The following CCDC178 variants were observed in gnomAD, a reference collection of about 807,000 sequenced individuals.
CCDC178 encodes coiled-coil domain containing 178.
Under a neutral mutation model 117.4 loss-of-function variants are expected in CCDC178, and 126 were observed. The ratio of observed to expected loss-of-function variants is 1.07; its 90% CI spans 0.93 to 1.24. CCDC178 has a LOEUF of 1.24. Among genes scored for constraint, CCDC178 ranks in the 50% most tolerant of loss-of-function variants. CCDC178 has a pLI of 0.00. For missense variants in CCDC178, 1,030 were observed against 986.9 expected (o/e 1.04, Z -0.59); for synonymous variants, 283 against 313.4 (o/e 0.90, Z 1.02).
At chr18:33,384,090 G>T (rs1449694426) in intron 5 of CCDC178, among the ~76,000 whole-genome samples, 1 of 151,954 alleles carries the variant, frequency 6.6e-6, no homozygotes, top group Non-Finnish European at 1.5e-5. Context: ...TAGCTGAATC[G>T]ATCAAGCAGA....
chr18:33,356,035 G>T (rs1312955059), intron 7 of CCDC178, among the ~76,000 whole-genome samples: 1 of 152,082 alleles, frequency 6.6e-6, no homozygotes, highest in Non-Finnish European at 1.5e-5. Flanking sequence ...TCCCCTAGTG[G>T]TTATTAAATT....
At chr18:32,983,743 C>G (rs998154442) in intron 21 of CCDC178, among the ~76,000 whole-genome samples, 3 of 152,060 alleles carry the variant, frequency 2.0e-5, no homozygotes, top group Non-Finnish European at 2.9e-5. Flanking sequence ...TGAAAGCACA[C>G]TGCGTTTCTC....
intron 2 of CCDC178, among the ~76,000 whole-genome samples, chr18:33,436,660 C>A (rs1173074599): frequency 6.6e-6 from 1 of 152,122 alleles, no homozygotes; most frequent in African/African-American, 2.4e-5. Context: ...TGTTTCAGAG[C>A]AAGATGTATC....
At chr18:33,153,688 A>T (rs1402539463) in intron 20 of CCDC178, among the ~76,000 whole-genome samples, 1 of 152,148 alleles carries the variant, frequency 6.6e-6, no homozygotes, top group East Asian at 1.9e-4. Flanking sequence ...GAAGTCACAT[A>T]AAAATACAAG....
intron 2 of CCDC178, among the ~76,000 whole-genome samples, chr18:33,427,992 T>C (rs2064144702): frequency 6.6e-6 from 1 of 152,246 alleles, no homozygotes. Context: ...ATTGAATAAG[T>C]ACTTTTTGTC....
chr18:33,326,074 AT>A, intron 10 of CCDC178, among the ~76,000 whole-genome samples: 1 of 152,324 alleles, frequency 6.6e-6, no homozygotes, highest in East Asian at 1.9e-4. Context: ...GAAAGGCAGA[AT>A]TCTGTTACAG....
chr18:33,003,385 G>A (rs1320720882), intron 21 of CCDC178, among the ~76,000 whole-genome samples: 1 of 152,106 alleles, frequency 6.6e-6, no homozygotes, highest in Non-Finnish European at 1.5e-5. Context: ...TTCAACATAT[G>A]CAAATCAATC....
At chr18:33,283,625 A>C (rs998635286) in intron 12 of CCDC178, among the ~76,000 whole-genome samples, 1 of 152,204 alleles carries the variant, frequency 6.6e-6, no homozygotes, top group African/African-American at 2.4e-5. Flanking sequence ...ACTTTTTAAA[A>C]GCTTACATGT....
At chr18:33,055,955 A>G (rs996584360) in intron 21 of CCDC178, among the ~76,000 whole-genome samples, 2 of 151,704 alleles carry the variant, frequency 1.3e-5, no homozygotes, top group African/African-American at 4.8e-5. Context: ...AGTGCATGCT[A>G]CCATGCATGG....
At chr18:33,430,837 C>G (rs1383241202) in intron 2 of CCDC178, among the ~76,000 whole-genome samples, 1 of 151,952 alleles carries the variant, frequency 6.6e-6, no homozygotes, top group African/African-American at 2.4e-5. Context: ...CTTTGGGAGG[C>G]CGAGGTGGGC....
At chr18:33,242,156 AC>A (rs1400797791) in intron 15 of CCDC178, among the ~76,000 whole-genome samples, 11 of 151,856 alleles carry the variant, frequency 7.2e-5, no homozygotes, top group Non-Finnish European at 1.5e-4. Flanking sequence ...CCAAGAACCT[AC>A]ATTGGGAAAG....
At chr18:33,363,410 T>C (rs796662237) in intron 6 of CCDC178, among the ~76,000 whole-genome samples, 18 of 152,148 alleles carry the variant, frequency 1.2e-4, no homozygotes, top group African/African-American at 4.3e-4. Flanking sequence ...GAAATGAAAG[T>C]ACCTCTGGAG....
intron 9 of CCDC178, among the ~76,000 whole-genome samples, chr18:33,336,437 A>C (rs2062741474): frequency 6.6e-6 from 1 of 152,060 alleles, no homozygotes; most frequent in Non-Finnish European, 1.5e-5. Context: ...CCAAACTTAA[A>C]TTTTGGCCAT....
At chr18:33,293,810 A>G (rs891455465) in intron 11 of CCDC178, among the ~76,000 whole-genome samples, 1 of 152,228 alleles carries the variant, frequency 6.6e-6, no homozygotes, top group East Asian at 1.9e-4. Flanking sequence ...TGAGGAAAAA[A>G]GTCATCAATA....
chr18:32,984,188 G>T (rs999322605), intron 21 of CCDC178, among the ~76,000 whole-genome samples: 2 of 151,420 alleles, frequency 1.3e-5, no homozygotes, highest in Admixed American at 6.6e-5. Context: ...AATTAAAGAA[G>T]AATTATTTAA....
intron 2 of CCDC178, among the ~76,000 whole-genome samples, chr18:33,417,928 G>C (rs2063969103): frequency 6.6e-6 from 1 of 152,068 alleles, no homozygotes; most frequent in African/African-American, 2.4e-5. Context: ...AGAAGAGCTG[G>C]TACCATTCCT....
intron 12 of CCDC178, among the ~76,000 whole-genome samples, chr18:33,273,405 A>G (rs1015729918): frequency 2.6e-5 from 4 of 151,646 alleles, no homozygotes; most frequent in African/African-American, 9.7e-5. Context: ...AAATGAAAAT[A>G]TATCTGTAAC....
chr18:33,092,946 T>C (rs201428868), intron 20 of CCDC178, 36 bp from the exon 21 acceptor site: 800 of 1,271,762 alleles, frequency 6.3e-4, no homozygotes, highest in Non-Finnish European at 7.8e-4. Flanking sequence ...ATTGTGTGTA[T>C]ATATATATAA....
intron 15 of CCDC178, among the ~76,000 whole-genome samples, chr18:33,236,165 T>C (rs2059424080): frequency 6.6e-6 from 1 of 152,178 alleles, no homozygotes; most frequent in African/African-American, 2.4e-5. Context: ...ATTCCTATAA[T>C]TAATTTCTAG....
Sources: allele counts gnomAD v4.1 joint callset (sites outside exome capture counted in the v4.1 genomes callset), GRCh38; gene constraint gnomAD v4.1.1; transcripts MANE v1.5; gene names NCBI Gene and HGNC (gene_info 2026-07-23, HGNC 2026-07-21).